The following AGBL1 variants were observed in gnomAD, a reference collection of about 807,000 sequenced individuals.
AGBL1 encodes cytosolic carboxypeptidase 4.
Under a neutral mutation model 118.9 loss-of-function variants are expected in AGBL1, and 130 were observed. The ratio of observed to expected loss-of-function variants is 1.09; its 90% CI spans 0.95 to 1.26. The LOEUF is 1.26. AGBL1 is among the 50% of genes most tolerant of loss of function. The pLI, the probability that AGBL1 is intolerant of heterozygous loss-of-function variation, is 0.00. For missense variants in AGBL1, 1,584 were observed against 1,298.1 expected, an observed-to-expected ratio of 1.22 and a Z score of -3.38; for synonymous variants, 555 against 478.9, an observed-to-expected ratio of 1.16 and a Z score of -2.08.
intron 22 of AGBL1, among the ~76,000 whole-genome samples, chr15:86,853,016 C>T (rs959341529): frequency 1.3e-5 from 2 of 152,022 alleles, no homozygotes; most frequent in South Asian, 2.1e-4. Context: ...TTCTTCAACT[C>T]TGCTGCAATT....
chr15:86,685,447 C>A (rs1219400392), intron 22 of AGBL1, among the ~76,000 whole-genome samples: 4 of 152,188 alleles, frequency 2.6e-5, no homozygotes, highest in Non-Finnish European at 5.9e-5. Flanking sequence ...AAATTAGAGT[C>A]AATAAGTTTA....
At chr15:86,204,180 A>C (rs1350791937) in intron 5 of AGBL1, among the ~76,000 whole-genome samples, 1 of 152,156 alleles carries the variant, frequency 6.6e-6, no homozygotes, top group Non-Finnish European at 1.5e-5. Context: ...AGGAATCCTC[A>C]TTCTATGCTT....
chr15:86,370,628 C>T (rs755012129), intron 17 of AGBL1, among the ~76,000 whole-genome samples: 1 of 152,158 alleles, frequency 6.6e-6, no homozygotes, highest in African/African-American at 2.4e-5. Flanking sequence ...ACAGGTGATA[C>T]CTGCCCAAAG....
chr15:86,433,761 T>C (rs1275100351), intron 18 of AGBL1, among the ~76,000 whole-genome samples: 2 of 152,150 alleles, frequency 1.3e-5, no homozygotes, highest in African/African-American at 2.4e-5. Context: ...TGTTAATGTA[T>C]CCACTAATAC....
chr15:86,793,322 G>T (rs940351498), intron 22 of AGBL1, among the ~76,000 whole-genome samples: 1 of 152,158 alleles, frequency 6.6e-6, no homozygotes. Flanking sequence ...TGATAATCCA[G>T]ATATAAACCC....
At chr15:86,172,910 T>A (rs560954753) in intron 5 of AGBL1, among the ~76,000 whole-genome samples, 1 of 152,304 alleles carries the variant, frequency 6.6e-6, no homozygotes, top group South Asian at 2.1e-4. Flanking sequence ...TTTTAGTTTT[T>A]TTTCAAAACC....
intron 24 of AGBL1, among the ~76,000 whole-genome samples, chr15:87,003,655 G>C (rs1277109461): frequency 1.3e-5 from 2 of 152,004 alleles, no homozygotes; most frequent in Non-Finnish European, 2.9e-5. Flanking sequence ...CAATTTCAGT[G>C]CCTGTTATTG....
At chr15:86,956,010 T>C (rs2080926728) in intron 23 of AGBL1, among the ~76,000 whole-genome samples, 2 of 152,140 alleles carry the variant, frequency 1.3e-5, no homozygotes, top group African/African-American at 4.8e-5. Context: ...GTATCAAATC[T>C]GGGTAAATAG....
At chr15:86,825,707 G>C (rs1315744013) in intron 22 of AGBL1, among the ~76,000 whole-genome samples, 1 of 137,914 alleles carries the variant, frequency 7.3e-6, no homozygotes, top group African/African-American at 2.7e-5. Flanking sequence ...GAGGGAGGGA[G>C]AAAGCGAGAG....
intron 22 of AGBL1, among the ~76,000 whole-genome samples, chr15:86,774,008 C>G (rs1004434258): frequency 3.9e-5 from 6 of 152,160 alleles, no homozygotes; most frequent in Admixed American, 6.6e-5. Flanking sequence ...CCCCAATGAC[C>G]CACATTCAGA....
chr15:86,186,661 T>C (rs1016166049), intron 5 of AGBL1, among the ~76,000 whole-genome samples: 1 of 152,184 alleles, frequency 6.6e-6, no homozygotes, highest in Middle Eastern at 3.2e-3. Flanking sequence ...AGGCCTCTTG[T>C]TGGTAAATCT....
chr15:86,202,217 C>T (rs1203293937), intron 5 of AGBL1, among the ~76,000 whole-genome samples: 2 of 152,134 alleles, frequency 1.3e-5, no homozygotes, highest in Non-Finnish European at 2.9e-5. Context: ...CCCTTGAACC[C>T]AGGAGGGAGA....
intron 21 of AGBL1, among the ~76,000 whole-genome samples, chr15:86,571,015 G>A (rs148977438): frequency 6.6e-6 from 1 of 152,326 alleles, no homozygotes; most frequent in Non-Finnish European, 1.5e-5. Context: ...GCTGGCTGAT[G>A]CTATAGGGTG....
chr15:86,476,967 G>A (rs182487463), intron 18 of AGBL1, among the ~76,000 whole-genome samples: 75 of 152,264 alleles, frequency 4.9e-4, no homozygotes, highest in African/African-American at 1.8e-3. Context: ...TGAACAACCT[G>A]CTCCTGAATG....
intron 16 of AGBL1, among the ~76,000 whole-genome samples, chr15:86,287,520 G>T (rs1027955971): frequency 2.0e-5 from 3 of 152,082 alleles, no homozygotes; most frequent in African/African-American, 7.2e-5. Flanking sequence ...ATTTTGAGTT[G>T]ATTCTTATAT....
chr15:86,916,158 A>G (rs2080420111), downstream of AGBL1: 1 of 152,200 alleles, frequency 6.6e-6, no homozygotes, highest in African/African-American at 2.4e-5. Flanking sequence ...ACAACTTTAG[A>G]TTGACTCCAG....
rs545326208 is a variant in AGBL1 at position 86,831,582 on chromosome 15, A to G, written c.3159-75505A>G. On this transcript the variant is annotated intron_variant, in intron 22 of 22. Coordinates refer to ENST00000614907, the MANE Select transcript of AGBL1 (RefSeq NM_001386094.1). ...CTCCAGAATGTTCTCCTTTGACCCC[A>G]TGTCTCACATCCAGGTCATGCTGAT... Among the ~76,000 whole-genome samples, 5 of 152,336 alleles carry G rather than the reference A, an allele frequency of 3.3e-5. No individual in the cohort carries two copies. In the South Asian group the frequency reaches 1.0e-3, roughly 32 times the overall value.
chr15:86,981,340 G>C (rs1262236765), intron 23 of AGBL1, among the ~76,000 whole-genome samples: 1 of 152,146 alleles, frequency 6.6e-6, no homozygotes, highest in African/African-American at 2.4e-5. Context: ...GCATCGTACA[G>C]TCTCAGTCTT....
chr15:86,927,951 A>AG (rs2080562906), intron 23 of AGBL1, among the ~76,000 whole-genome samples: 1 of 137,416 alleles, frequency 7.3e-6, no homozygotes, highest in Non-Finnish European at 1.6e-5. Flanking sequence ...TATATATAAA[A>AG]TGTGTGTGTA....
Sources: allele counts gnomAD v4.1 joint callset (sites outside exome capture counted in the v4.1 genomes callset), GRCh38; gene constraint gnomAD v4.1.1; transcripts MANE v1.5; gene names NCBI Gene and HGNC (gene_info 2026-07-23, HGNC 2026-07-21).